SNU13: variants seen among roughly 807,000 people sequenced by gnomAD.
SNU13 encodes the protein NHP2-like protein 1.
SNU13 carries 2 observed loss-of-function variants against 12.4 expected under a neutral mutation model. That is an observed-to-expected ratio of 0.16 (90% confidence interval 0.07 to 0.51). SNU13 has a LOEUF of 0.51. SNU13 is among the 20% of genes least tolerant of loss of function. The pLI is 0.96. For synonymous variants in SNU13, 68 were observed against 66.5 expected (o/e 1.02, Z -0.11); for missense variants, 66 against 157.8 (o/e 0.42, Z 3.12).
intron 1 of SNU13, 90 bp from the exon 2 acceptor site, chr22:41,680,454 G>GGAGCA: frequency 3.5e-6 from 5 of 1,420,034 alleles, no homozygotes; most frequent in Non-Finnish European, 3.9e-6. Context: ...TGAGACACAG[G>GGAGCA]GGGCAGCTGC....
At chr22:41,688,876 C>T (rs542091245), upstream of SNU13, 37 of 1,507,296 alleles carry the variant, frequency 2.5e-5, no homozygotes, top group East Asian at 4.7e-5. Context: ...CGGAAAAACT[C>T]ACAGAAGCAG....
At chr22:41,684,068 T>A (rs1215285568) in intron 1 of SNU13, among the ~76,000 whole-genome samples, 1 of 152,116 alleles carries the variant, frequency 6.6e-6, no homozygotes, top group African/African-American at 2.4e-5. Context: ...CACACCGGGC[T>A]AATTTTTGTA....
intron 2 of SNU13, among the ~76,000 whole-genome samples, chr22:41,679,193 C>G (rs987510869): frequency 2.6e-5 from 4 of 152,042 alleles, no homozygotes; most frequent in Non-Finnish European, 5.9e-5. Context: ...CGGATCACTT[C>G]AGGTCAGGAG....
At chr22:41,687,720 A>G (rs967101943) in intron 1 of SNU13, 1 of 152,188 alleles carries the variant, frequency 6.6e-6, no homozygotes, top group African/African-American at 2.4e-5. Flanking sequence ...CTGCGTGCTT[A>G]CTCTGTACCA....
At chr22:41,684,257 G>A (rs2147139822) in intron 1 of SNU13, among the ~76,000 whole-genome samples, 1 of 152,320 alleles carries the variant, frequency 6.6e-6, no homozygotes, top group East Asian at 1.9e-4. Flanking sequence ...TCTCTCTGGT[G>A]AGAAAGAGGG....
upstream of SNU13, chr22:41,689,409 C>G (rs950884495): frequency 1.5e-4 from 23 of 149,766 alleles, no homozygotes; most frequent in African/African-American, 4.9e-4. Flanking sequence ...GTGGCTCCCG[C>G]CTGTAATCGC....
intron 1 of SNU13, chr22:41,681,158 C>T (rs2068260169): frequency 6.6e-6 from 1 of 152,206 alleles, no homozygotes; most frequent in Non-Finnish European, 1.5e-5. Context: ...TCCTCACCTC[C>T]TCTACAATAC....
rs1422915174 is a variant in SNU13, at chr22:41,674,994, C to A, written c.326G>T (p.Gly109Val). The change falls in exon 3 of 3, where the codon GGC (glycine) becomes GTC (valine). Residue 109 changes from glycine (G) to valine (V), a missense_variant. Gly to Val is a moderately radical substitution (Grantham distance 109). Transcript: ENST00000401959. ...TTGGATCTGCTGTTTCAGCTGCGAG[C>A]CTTCTTTGATGGTGACAGAACAGGC... Reference protein sequence around the residue: ...VIACSVTIKEGSQLKQQIQSI... With the variant: ...VIACSVTIKEVSQLKQQIQSI... The A allele has an allele frequency of 6.2e-7, 1 of 1,614,152 alleles. No individual in the cohort carries two copies. Among genetic ancestry groups the A allele is most frequent in the East Asian group, 2.2e-5 (1 of 44,876 alleles).
At position 41,674,370 on chromosome 22, in the gene SNU13, A is replaced by C. The variant is rs41311445; in HGVS notation, c.*563T>G. ...AGGGGGAGAACATCAACATCACATT[A>C]CCAAAAGCAAACAGCAGGGGTACAT... On this transcript the variant is annotated 3_prime_UTR_variant, in exon 3 of 3. Coordinates refer to ENST00000401959, the MANE Select transcript of SNU13 (RefSeq NM_001003796.2). 10,688 of 154,278 alleles carry C rather than the reference A, an allele frequency of 0.069. 538 individuals are homozygous for C. The highest frequency in any genetic ancestry group is 0.1 in the Non-Finnish European group (6,984 of 69,332). The allele number at this position is 154,278 out of a possible 1,614,324, so 9.6% of individuals were successfully genotyped here. A position where few individuals can be genotyped will look rare whatever the true frequency, so the allele number is the denominator to read the frequency against.
chr22:41,678,606 G>A (rs2068234724), intron 2 of SNU13, among the ~76,000 whole-genome samples: 1 of 152,130 alleles, frequency 6.6e-6, no homozygotes, highest in Admixed American at 6.5e-5. Context: ...CTGTGTCCAT[G>A]AGTCCTCATC....
chr22:41,679,482 G>C (rs2068243457), intron 2 of SNU13, among the ~76,000 whole-genome samples: 1 of 151,952 alleles, frequency 6.6e-6, no homozygotes, highest in Non-Finnish European at 1.5e-5. Context: ...TTTGAACCCG[G>C]GAAGCGGAGG....
intron 2 of SNU13, among the ~76,000 whole-genome samples, chr22:41,675,891 C>T (rs1365010373): frequency 1.3e-5 from 2 of 151,510 alleles, no homozygotes; most frequent in African/African-American, 4.9e-5. Context: ...GCTGGGATTA[C>T]AGGTGCCTGC....
At chr22:41,685,619 T>C (rs1474862051) in intron 1 of SNU13, among the ~76,000 whole-genome samples, 3 of 150,152 alleles carry the variant, frequency 2.0e-5, no homozygotes, top group Admixed American at 6.6e-5. Context: ...CCCAAAGCGC[T>C]GGGTTTACAG....
intron 1 of SNU13, among the ~76,000 whole-genome samples, chr22:41,685,595 G>A (rs1353043733): frequency 3.3e-5 from 5 of 149,642 alleles, no homozygotes; most frequent in African/African-American, 9.8e-5. Flanking sequence ...CTTGTGATCC[G>A]CCCACCTCAG....
intron 1 of SNU13, chr22:41,682,412 G>C: frequency 6.2e-7 from 1 of 1,613,152 alleles, no homozygotes; most frequent in Non-Finnish European, 8.5e-7. Context: ...CACGCGTGTC[G>C]GTTTGGACGG....
chr22:41,682,636 T>C, intron 1 of SNU13: 1 of 1,277,918 alleles, frequency 7.8e-7, no homozygotes, highest in Non-Finnish European at 1.0e-6. Flanking sequence ...AGGAAGGGGG[T>C]TGGGGGAGGT....
At chr22:41,682,608 G>A (rs978299034) in intron 1 of SNU13, 21 of 1,411,034 alleles carry the variant, frequency 1.5e-5, no homozygotes, top group Non-Finnish European at 1.9e-5. Flanking sequence ...TTAGGTGAAG[G>A]ATGGAGGAGT....
chr22:41,674,602 C>G lies in SNU13; in HGVS notation c.*331G>C, dbSNP rs1286264278. 3.4e-6 allele frequency: 1 copy of G among 290,976 alleles called. No homozygotes were observed. The highest frequency in any genetic ancestry group is 6.6e-6 in the Non-Finnish European group (1 of 151,800). The allele number at this position is 290,976 out of a possible 1,614,324, so 18.0% of individuals were successfully genotyped here. On this transcript the variant is annotated 3_prime_UTR_variant, in exon 3 of 3. Transcript: ENST00000401959. ...ACAACAGGAAGCTAGTGGCTGAAAG[C>G]TGGAACCAGATCTCTGTCCTGGCTC... is the stretch of plus-strand genomic sequence containing the variant.
chr22:41,680,503 G>C (rs2068253701), intron 1 of SNU13, 139 bp from the exon 2 acceptor site: 1 of 794,422 alleles, frequency 1.3e-6, no homozygotes, highest in African/African-American at 1.8e-5. Flanking sequence ...ACACCAGGTA[G>C]TTAACAATGG....
Sources: gnomAD v4.1 joint callset for allele counts (sites outside exome capture counted in the v4.1 genomes callset) on GRCh38, gnomAD v4.1.1 for gene constraint, MANE v1.5 for transcripts, NCBI Gene and HGNC (gene_info 2026-07-23, HGNC 2026-07-21) for gene names.